Variants in ANO10 observed in about 807,000 individuals in gnomAD.
The protein encoded by ANO10 is anoctamin 10.
ANO10 carries 77 observed loss-of-function variants against 74.7 expected under a neutral mutation model. The observed-to-expected ratio is 1.03, with a 90% CI of 0.86 to 1.25. The LOEUF is 1.25. ANO10 is among the 50% of genes most tolerant of loss of function. The pLI is 0.00. For synonymous variants in ANO10, 279 were observed against 284.9 expected (o/e 0.98, Z 0.21); for missense variants, 721 against 778.1 (o/e 0.93, Z 0.87).
chr3:43,660,049 A>G (rs2083907320), intron 1 of ANO10, among the ~76,000 whole-genome samples: 1 of 152,222 alleles, frequency 6.6e-6, no homozygotes, highest in South Asian at 2.1e-4. Context: ...GAATAGCATC[A>G]ACATCAACAA....
intron 12 of ANO10, chr3:43,424,523 AGTT>A (rs1367602441): frequency 6.6e-6 from 1 of 152,126 alleles, no homozygotes; most frequent in Middle Eastern, 3.2e-3. Flanking sequence ...TCTCTTTTCC[AGTT>A]TTTGCATTTC....
intron 2 of ANO10, among the ~76,000 whole-genome samples, chr3:43,603,879 T>G (rs909988624): frequency 6.6e-6 from 1 of 152,152 alleles, no homozygotes; most frequent in Non-Finnish European, 1.5e-5. Flanking sequence ...GTTGTTAATA[T>G]TTTGGAAACT....
chr3:43,571,321 C>T (rs1436236337), intron 7 of ANO10, among the ~76,000 whole-genome samples: 1 of 152,258 alleles, frequency 6.6e-6, no homozygotes, highest in South Asian at 2.1e-4. Flanking sequence ...TTGACCCAGC[C>T]ATCCCATTAC....
intron 11 of ANO10, among the ~76,000 whole-genome samples, chr3:43,449,138 A>G (rs1201451842): frequency 1.3e-5 from 2 of 151,948 alleles, no homozygotes; most frequent in Non-Finnish European, 2.9e-5. Context: ...TGGCCTCCCA[A>G]AATGTTGGGA....
intron 1 of ANO10, among the ~76,000 whole-genome samples, chr3:43,675,484 A>G (rs1575589198): frequency 6.6e-6 from 1 of 152,292 alleles, no homozygotes; most frequent in Non-Finnish European, 1.5e-5. Context: ...TGCAAACTAC[A>G]TACCTGACAA....
intron 11 of ANO10, among the ~76,000 whole-genome samples, chr3:43,504,307 GATAGA>G (rs1559623146): frequency 6.1e-4 from 91 of 148,242 alleles, no homozygotes; most frequent in East Asian, 4.7e-3. Flanking sequence ...TAGGTAGATA[GATAGA>G]TAGATAGATA....
At chr3:43,451,733 A>T (rs2074886633) in intron 11 of ANO10, among the ~76,000 whole-genome samples, 1 of 152,216 alleles carries the variant, frequency 6.6e-6, no homozygotes, top group African/African-American at 2.4e-5. Context: ...AAGACTATAA[A>T]GTAATGTAAA....
intron 11 of ANO10, among the ~76,000 whole-genome samples, chr3:43,478,907 T>C (rs992716755): frequency 2.0e-5 from 3 of 152,222 alleles, no homozygotes; most frequent in Non-Finnish European, 4.4e-5. Flanking sequence ...CCCAAGTACC[T>C]GTTTTATAAT....
chr3:43,479,065 A>T (rs1219095529), intron 11 of ANO10, among the ~76,000 whole-genome samples: 1 of 152,156 alleles, frequency 6.6e-6, no homozygotes, highest in Non-Finnish European at 1.5e-5. Flanking sequence ...AATAACAGAA[A>T]AGAGGCACTA....
chr3:43,417,021 A>C (rs937827), intron 12 of ANO10, among the ~76,000 whole-genome samples: 149,505 of 152,344 alleles, frequency 0.98, 73,425 homozygotes, highest in East Asian at 1. Context: ...ATGTGCCCAA[A>C]GCTGTGCTAG....
chr3:43,470,065 A>G (rs2075788669), intron 11 of ANO10, among the ~76,000 whole-genome samples: 1 of 152,260 alleles, frequency 6.6e-6, no homozygotes, highest in Admixed American at 6.5e-5. Context: ...ATAATTGCCC[A>G]AACTGGAAGC....
At chr3:43,578,771 AAAAAAAAG>A (rs1195271585) in intron 5 of ANO10, among the ~76,000 whole-genome samples, 2 of 145,024 alleles carry the variant, frequency 1.4e-5, no homozygotes, top group East Asian at 3.9e-4. Flanking sequence ...AAAAAAAAAA[AAAAAAAAG>A]GAGTAGCTAA....
intron 12 of ANO10, among the ~76,000 whole-genome samples, chr3:43,400,264 A>G (rs2092455620): frequency 6.6e-6 from 1 of 151,536 alleles, no homozygotes. Context: ...CTAGATGGTA[A>G]TAAGTGTTAG....
At chr3:43,449,811 T>C (rs906796698) in intron 11 of ANO10, among the ~76,000 whole-genome samples, 12 of 152,222 alleles carry the variant, frequency 7.9e-5, no homozygotes, top group African/African-American at 2.9e-4. Context: ...AGTCTGTCAA[T>C]ATACATAAAA....
chr3:43,412,713 T>C (rs1303554890), intron 12 of ANO10, among the ~76,000 whole-genome samples: 1 of 152,194 alleles, frequency 6.6e-6, no homozygotes, highest in Non-Finnish European at 1.5e-5. Context: ...AAAAAAATCT[T>C]CTCTATGGTA....
At chr3:43,438,518 G>A (rs534770919) in intron 11 of ANO10, among the ~76,000 whole-genome samples, 1 of 152,196 alleles carries the variant, frequency 6.6e-6, no homozygotes, top group South Asian at 2.1e-4. Flanking sequence ...GCTGAGGCAG[G>A]TGGATCACCT....
At chr3:43,685,833 T>C (rs1428032009) in intron 1 of ANO10, among the ~76,000 whole-genome samples, 1 of 152,226 alleles carries the variant, frequency 6.6e-6, no homozygotes, top group Non-Finnish European at 1.5e-5. Context: ...ATTGAAGATA[T>C]TAAAGCCTTG....
chr3:43,639,263 G>A (rs938346796), intron 1 of ANO10, among the ~76,000 whole-genome samples: 4 of 152,160 alleles, frequency 2.6e-5, no homozygotes, highest in Non-Finnish European at 5.9e-5. Flanking sequence ...TTTGAAAGGG[G>A]CGTCAAAGAA....
In ANO10 at chr3:43,366,840, G is replaced by C; in HGVS notation, c.*66C>G. ...CGATGCTGCCCCGGGTACCCCCCCTGCCACCGTGGCAGGTGTGGCACAGAC... is the reference window on the plus strand; with the variant it reads ...CGATGCTGCCCCGGGTACCCCCCCTCCCACCGTGGCAGGTGTGGCACAGAC... On this transcript the variant is annotated 3_prime_UTR_variant, in exon 13 of 13. Coordinates refer to ENST00000292246, the MANE Select transcript of ANO10 (RefSeq NM_018075.5). 1 of 1,489,980 alleles carries C rather than the reference G, an allele frequency of 6.7e-7. No homozygotes were observed. Among genetic ancestry groups the C allele is most frequent in the Non-Finnish European group, 9.2e-7 (1 of 1,091,832 alleles). 92.3% of individuals were successfully genotyped at this position (1,489,980 alleles called of 1,614,324 possible). A position where few individuals can be genotyped will look rare whatever the true frequency, so the allele number is the denominator to read the frequency against.
Sources: allele counts gnomAD v4.1 joint callset (sites outside exome capture counted in the v4.1 genomes callset), GRCh38; gene constraint gnomAD v4.1.1; transcripts MANE v1.5; gene names NCBI Gene and HGNC (gene_info 2026-07-23, HGNC 2026-07-21).